The following ALDH2 variants were observed in gnomAD, a reference collection of about 807,000 sequenced individuals.
ALDH2 encodes aldehyde dehydrogenase, mitochondrial.
Under a neutral mutation model 59.6 loss-of-function variants are expected in ALDH2, and 44 were observed. The observed-to-expected ratio is 0.74, with a 90% confidence interval of 0.58 to 0.95. The LOEUF (loss-of-function observed/expected upper bound fraction) is 0.95, where lower values mean the gene tolerates loss of function less well. ALDH2 is among the 40% of genes least tolerant of loss of function. The pLI is 0.00. For synonymous variants in ALDH2, 291 were observed against 284.0 expected, an observed-to-expected ratio of 1.02 and a Z score of -0.25; for missense variants, 570 against 696.3, an observed-to-expected ratio of 0.82 and a Z score of 2.04.
Position 111,809,624 on chromosome 12 carries a change from A to C in ALDH2, c.*49A>C, listed in dbSNP as rs2068521739. On this transcript the variant is annotated 3_prime_UTR_variant, in exon 13 of 13. Coordinates refer to ENST00000261733, the MANE Select transcript of ALDH2 (RefSeq NM_000690.4). ...AGCCATTGATGGAAAGTTCAGCAAG[A>C]TCAGCAACAAAACCAAGAAAAATGA... is the stretch of plus-strand genomic sequence containing the variant. 3 of 1,604,708 alleles carry C rather than the reference A, an allele frequency of 1.9e-6. No individual in the cohort carries two copies. In the African/African-American group the frequency reaches 4.0e-5, roughly 21 times the overall value.
chr12:111,793,694 T>G (rs1482044331), intron 9 of ALDH2, among the ~76,000 whole-genome samples: 2 of 151,900 alleles, frequency 1.3e-5, no homozygotes, highest in African/African-American at 4.8e-5. Context: ...CAAGCAATTC[T>G]TGTGCCTCAG....
chr12:111,790,378 C>G (rs2068348355), intron 5 of ALDH2, 56 bp from the exon 6 acceptor site: 3 of 1,611,244 alleles, frequency 1.9e-6, no homozygotes, highest in Non-Finnish European at 2.5e-6. Flanking sequence ...CTTCTGCTAC[C>G]CAGTGTAGTT....
chr12:111,789,491 CAA>C (rs35650885), intron 4 of ALDH2, among the ~76,000 whole-genome samples: 14 of 74,360 alleles, frequency 1.9e-4, no homozygotes, highest in African/African-American at 1.5e-4. Context: ...GACGCTGTCT[CAA>C]AAAAAAAAAA....
At chr12:111,785,735 C>T (rs77020369) in intron 4 of ALDH2, among the ~76,000 whole-genome samples, 1 of 151,982 alleles carries the variant, frequency 6.6e-6, no homozygotes, top group Admixed American at 6.6e-5. Flanking sequence ...AAAACAAAAA[C>T]AAAAAATGAA....
At chr12:111,798,005 A>T in intron 9 of ALDH2, 73 bp from the exon 10 acceptor site, 1 of 1,579,480 alleles carries the variant, frequency 6.3e-7, no homozygotes, top group Non-Finnish European at 8.7e-7. Context: ...TGTTGCCTGC[A>T]TAATTCTAAG....
At chr12:111,805,841 A>G (rs1199442866) in intron 12 of ALDH2, among the ~76,000 whole-genome samples, 8 of 141,118 alleles carry the variant, frequency 5.7e-5, no homozygotes, top group East Asian at 2.1e-4. Flanking sequence ...TGGCCAAGAT[A>G]GTGAAACCCT....
In ALDH2 at chr12:111,816,541, A is replaced by G. The variant is rs950656177; in HGVS notation, c.*6966A>G. The G allele has an allele frequency of 7.9e-5, 12 of 152,214 alleles. No individual in the cohort carries two copies. The East Asian group carries it at 1.2e-3, about 15-fold the overall frequency. 9.4% of individuals were successfully genotyped at this position (152,214 alleles called of 1,614,324 possible). A position where few individuals can be genotyped will look rare whatever the true frequency, so the allele number is the denominator to read the frequency against. On this transcript the variant is annotated 3_prime_UTR_variant, in exon 13 of 13. Coordinates refer to ENST00000261733, the MANE Select transcript of ALDH2 (RefSeq NM_000690.4). ...GATAAACAGTTTGCTGTTTGATCAT[A>G]TAGCCTCAGTGGAATGCTGAGTTGG...
Position 111,791,951 on chromosome 12 carries a change from G to A in ALDH2, c.796-110G>A, listed in dbSNP as rs1212794088. ...TTTGGTGAAATTCTCTAGGTCTCTC[G>A]TGGTCCAGTTGCTCACTCAAGCTGT... On this transcript the variant is annotated intron_variant, in intron 7 of 12. Transcript: ENST00000261733. The A allele has an allele frequency of 4.5e-5, 33 of 727,912 alleles. 1 individual carries two copies. Among genetic ancestry groups the A allele is most frequent in the South Asian group, 2.0e-4 (13 of 64,090 alleles). 45.1% of individuals were successfully genotyped at this position (727,912 alleles called of 1,614,324 possible). A position where few individuals can be genotyped will look rare whatever the true frequency, so the allele number is the denominator to read the frequency against.
intron 11 of ALDH2, among the ~76,000 whole-genome samples, chr12:111,802,530 G>A (rs1351126145): frequency 4.6e-5 from 7 of 151,744 alleles, no homozygotes; most frequent in Admixed American, 2.6e-4. Context: ...GCAGTGAGCC[G>A]AGATCGCACC....
At position 111,789,831 on chromosome 12, in the gene ALDH2, C is replaced by T; in HGVS notation, c.449C>T (p.Ala150Val). Residue 150 changes from alanine (A) to valine (V), a missense_variant, in exon 5 of 13, where the codon GCC (alanine) becomes GTC (valine). Transcript: ENST00000261733. Reference protein sequence around the residue: ...DMVLKCLRYYAGWADKYHGKT... With the variant: ...DMVLKCLRYYVGWADKYHGKT... ...CGTTTCTTTGTTTAAAGGTATTATG[C>T]CGGCTGGGCTGATAAGTACCACGGG... 1 of 1,613,876 alleles carries T rather than the reference C, an allele frequency of 6.2e-7. No homozygotes were observed.
At chr12:111,795,556 T>G (rs1413018777) in intron 9 of ALDH2, among the ~76,000 whole-genome samples, 1 of 151,114 alleles carries the variant, frequency 6.6e-6, no homozygotes, top group African/African-American at 2.4e-5. Context: ...GTGCTGAGAT[T>G]ACAGGTGTGA....
chr12:111,796,818 T>C (rs1317517895), intron 9 of ALDH2, among the ~76,000 whole-genome samples: 1 of 152,082 alleles, frequency 6.6e-6, no homozygotes, highest in Non-Finnish European at 1.5e-5. Context: ...GATGAGAAGA[T>C]ACCTGAGCTC....
rs368435076 is a variant in ALDH2, at chr12:111,799,963, A to C, written c.1306A>C (p.Arg436=). Residue 436 remains arginine, a synonymous_variant, in exon 11 of 13, where the codon AGA becomes CGA. Coordinates refer to ENST00000261733, the MANE Select transcript of ALDH2 (RefSeq NM_000690.4). ...KFKTIEEVVG[R]ANNSTYGLAA... ...CAAGACCATAGAGGAGGTTGTTGGG[A>C]GAGCCAACAATTCCACGTACGGGCT... 3.7e-6 allele frequency: 6 copies of C among 1,613,948 alleles called. No individual in the cohort carries two copies. The African/African-American group carries it at 8.0e-5, about 22-fold the overall frequency.
chr12:111,785,391 G>A (rs1458476076), intron 4 of ALDH2, 45 bp downstream of exon 4: 12 of 1,536,758 alleles, frequency 7.8e-6, no homozygotes, highest in Non-Finnish European at 9.9e-6. Flanking sequence ...AGGGGAAAAG[G>A]GGAGGCAACG....
At chr12:111,807,033 G>A (rs1048765782) in intron 12 of ALDH2, among the ~76,000 whole-genome samples, 13 of 151,968 alleles carry the variant, frequency 8.6e-5, no homozygotes, top group African/African-American at 2.9e-4. Context: ...TTGGGAGGCC[G>A]AGGTGGGCGA....
rs150202179 is a variant in ALDH2, at chr12:111,783,245, C to T, written c.307C>T (p.Arg103Trp). The change falls in exon 3 of 13, where the codon CGG becomes TGG. Residue 103 changes from arginine to tryptophan, a missense_variant. Physicochemically the swap from Arg to Trp is moderately radical, Grantham distance 101. Coordinates refer to ENST00000261733, the MANE Select transcript of ALDH2 (RefSeq NM_000690.4). Reference protein sequence around the residue: ...WRRMDASHRGRLLNRLADLIE... With the variant: ...WRRMDASHRGWLLNRLADLIE... Reference sequence around the variant, plus strand: ...CCGCATGGACGCATCACACAGGGGCCGGCTGCTGAACCGCCTGGCCGATCT... The same window carrying T: ...CCGCATGGACGCATCACACAGGGGCTGGCTGCTGAACCGCCTGGCCGATCT... The T allele has an allele frequency of 1.7e-5, 27 of 1,612,986 alleles. No homozygotes were observed. Among genetic ancestry groups the T allele is most frequent in the African/African-American group, 1.3e-4 (10 of 74,934 alleles).
At chr12:111,791,792 C>T (rs1413281406) in intron 7 of ALDH2, among the ~76,000 whole-genome samples, 2 of 152,150 alleles carry the variant, frequency 1.3e-5, no homozygotes, top group African/African-American at 4.8e-5. Context: ...GCCCCAGCTA[C>T]TTGGAAGGCC....
At chr12:111,791,267 G>T (rs1864715035) in intron 6 of ALDH2, 39 bp from the exon 7 acceptor site, 13 of 1,490,622 alleles carry the variant, frequency 8.7e-6, no homozygotes, top group Non-Finnish European at 1.2e-5. Context: ...TTCAGAATAG[G>T]AGGGTGACTC....
intron 12 of ALDH2, among the ~76,000 whole-genome samples, chr12:111,805,188 A>G (rs1224045237): frequency 6.6e-6 from 1 of 152,214 alleles, no homozygotes; most frequent in Non-Finnish European, 1.5e-5. Flanking sequence ...ATGTACATAG[A>G]TAGATACTCA....
Sources: gnomAD v4.1 joint callset for allele counts (sites outside exome capture counted in the v4.1 genomes callset) on GRCh38, gnomAD v4.1.1 for gene constraint, MANE v1.5 for transcripts, NCBI Gene and HGNC (gene_info 2026-07-23, HGNC 2026-07-21) for gene names.